Variants in GTSF1 observed in about 807,000 individuals in gnomAD.
The protein encoded by GTSF1 is gametocyte-specific factor 1.
GTSF1 carries 11 observed loss-of-function variants against 28.9 expected under a neutral mutation model. The observed-to-expected ratio is 0.38, with a 90% CI of 0.24 to 0.63. GTSF1 has a LOEUF of 0.63. GTSF1 is among the 30% of genes least tolerant of loss of function. The pLI, the probability that GTSF1 is intolerant of heterozygous loss-of-function variation, is 0.56. For missense variants in GTSF1, 146 were observed against 201.0 expected (o/e 0.73, Z 1.66); for synonymous variants, 69 against 65.6 (o/e 1.05, Z -0.25).
intron 8 of GTSF1, among the ~76,000 whole-genome samples, chr12:54,456,864 C>T (rs1486529110): frequency 6.6e-6 from 1 of 152,122 alleles, no homozygotes; most frequent in Non-Finnish European, 1.5e-5. Context: ...GCGGGTGGAA[C>T]ACCTGAGGTC....
In GTSF1 at chr12:54,461,027, T is replaced by C. The variant is rs73308568; in HGVS notation, c.393-556A>G. Among the ~76,000 whole-genome samples the C allele has an allele frequency of 9.9e-3, 1,503 of 152,330 alleles. 35 individuals carry two copies. Among genetic ancestry groups the C allele is most frequent in the African/African-American group, 0.034 (1,415 of 41,566 alleles). ...TCCTTCATTTCCTAAACCAGAAATA[T>C]TCTCATTTGGGTTTGAAACTTGATC... is the stretch of plus-strand genomic sequence containing the variant. On this transcript the variant is annotated intron_variant, in intron 6 of 8. Coordinates refer to ENST00000305879, the MANE Select transcript of GTSF1 (RefSeq NM_144594.3).
chr12:54,472,495 G>A (rs1030902725), intron 1 of GTSF1: 1 of 152,202 alleles, frequency 6.6e-6, no homozygotes, highest in Non-Finnish European at 1.5e-5. Context: ...CATTAAAAGA[G>A]AAATGGTTTC....
At position 54,471,233 on chromosome 12, in the gene GTSF1, T is replaced by C. The variant is rs754385601; in HGVS notation, c.16A>G (p.Thr6Ala). MEETY[T>A]DSLDPEKLLQ... is the part of the protein sequence containing the mutation. Reference sequence around the variant, plus strand: ...TCTAAAAGCAACAAGGAGTACATACTGTAAGTTTCTTCCATGTTGGAAATG... The same window carrying C: ...TCTAAAAGCAACAAGGAGTACATACCGTAAGTTTCTTCCATGTTGGAAATG... The change falls in exon 2 of 9, where the codon ACC becomes GCC. Residue 6 changes from threonine to alanine, a missense_variant and splice_region_variant. Transcript: ENST00000305879. The C allele has an allele frequency of 5.6e-6, 9 of 1,593,218 alleles. No individual in the cohort carries two copies. The highest frequency in any genetic ancestry group is 5.4e-5 in the African/African-American group (4 of 73,934).
intron 2 of GTSF1, among the ~76,000 whole-genome samples, chr12:54,467,250 A>T (rs754125654): frequency 6.6e-6 from 1 of 151,902 alleles, no homozygotes; most frequent in Non-Finnish European, 1.5e-5. Flanking sequence ...TATTTCACTT[A>T]GCCTAAGGTC....
intron 7 of GTSF1, 60 bp from the exon 8 acceptor site, chr12:54,459,185 C>A: frequency 1.3e-6 from 2 of 1,522,848 alleles, no homozygotes; most frequent in Admixed American, 3.6e-5. Flanking sequence ...ACTCCATCCC[C>A]TATTCTTACT....
intron 2 of GTSF1, among the ~76,000 whole-genome samples, chr12:54,467,369 C>G (rs1022971160): frequency 6.6e-6 from 1 of 150,816 alleles, no homozygotes; most frequent in Admixed American, 6.6e-5. Flanking sequence ...GGCTGGAGTG[C>G]AGTTGCACGA....
At chr12:54,459,548 G>T in intron 7 of GTSF1, 1 of 875,254 alleles carries the variant, frequency 1.1e-6, no homozygotes, top group Non-Finnish European at 1.6e-6. Context: ...ACGGTAATAT[G>T]ATACAAATTT....
intron 7 of GTSF1, 31 bp downstream of exon 7, chr12:54,460,346 A>C (rs370828017): frequency 3.6e-5 from 53 of 1,453,968 alleles, no homozygotes; most frequent in Non-Finnish European, 4.9e-5. Context: ...CAATGAAAAG[A>C]GTAAAACTAT....
At chr12:54,461,959 T>C in intron 6 of GTSF1, 150 bp downstream of exon 6, 1 of 591,944 alleles carries the variant, frequency 1.7e-6, no homozygotes, top group Non-Finnish European at 3.0e-6. Context: ...AAGGAATAAA[T>C]ATGAAAAAAT....
rs11404162 is a variant in GTSF1 at position 54,466,816 on chromosome 12, CTTTTTTTTTT to C, written c.17-1659_17-1650del. On this transcript the variant is annotated intron_variant, in intron 2 of 8. Coordinates refer to ENST00000305879, the MANE Select transcript of GTSF1 (RefSeq NM_144594.3). ...AAAAAAATTTTTTTGATTTAAAAAT[CTTTTTTTTTT>C]TTTTTTTTTGACAGAGTCTTATTCT... The C allele has an allele frequency of 5.0e-5, 6 of 119,870 alleles. No homozygotes were observed. In the South Asian group the frequency reaches 1.6e-3, roughly 32 times the overall value. 7.4% of individuals were successfully genotyped at this position (119,870 alleles called of 1,614,324 possible).
intron 8 of GTSF1, among the ~76,000 whole-genome samples, chr12:54,457,096 A>G (rs1592313072): frequency 1.3e-5 from 2 of 151,596 alleles, no homozygotes; most frequent in South Asian, 4.1e-4. Flanking sequence ...AAAAACAAAA[A>G]ACAAACAAAC....
At chr12:54,460,695 A>C (rs1231049922) in intron 6 of GTSF1, among the ~76,000 whole-genome samples, 3 of 152,170 alleles carry the variant, frequency 2.0e-5, no homozygotes, top group Admixed American at 2.0e-4. Context: ...GGGTCTAACC[A>C]TTTTCATTTT....
At chr12:54,465,369 C>G (rs1592320730) in intron 2 of GTSF1, among the ~76,000 whole-genome samples, 2 of 152,168 alleles carry the variant, frequency 1.3e-5, no homozygotes, top group East Asian at 3.9e-4. Context: ...CCAGAAATCT[C>G]AGGGTGAAGT....
At chr12:54,465,973 A>C (rs942121164) in intron 2 of GTSF1, among the ~76,000 whole-genome samples, 1 of 152,210 alleles carries the variant, frequency 6.6e-6, no homozygotes, top group African/African-American at 2.4e-5. Flanking sequence ...AGAATTCTTT[A>C]ATCTAGTGAC....
Position 54,465,255 on chromosome 12 carries a change from G to C in GTSF1, c.17-88C>G, listed in dbSNP as rs555823698. The C allele has an allele frequency of 3.7e-6, 3 of 814,882 alleles. No individual in the cohort carries two copies. The African/African-American group carries it at 5.1e-5, about 14-fold the overall frequency. 50.5% of individuals were successfully genotyped at this position (814,882 alleles called of 1,614,324 possible). ...CCAGGCACACTGGATTTTTTCAAGA[G>C]ACTCTGTAATAATAGAACAATATAG... On this transcript the variant is annotated intron_variant, in intron 2 of 8. Coordinates refer to ENST00000305879, the MANE Select transcript of GTSF1 (RefSeq NM_144594.3).
Position 54,463,085 on chromosome 12 carries a change from C to T in GTSF1, c.244+86G>A. ...TATTGTTCTTCTAAAACACTGAAAG[C>T]CAAAAATCAAGCTGACAATCTAGCA... On this transcript the variant is annotated intron_variant, in intron 4 of 8. Transcript: ENST00000305879. 9.9e-6 allele frequency: 14 copies of T among 1,418,520 alleles called. No homozygotes were observed. In the South Asian group the frequency reaches 1.7e-4, roughly 17 times the overall value. 87.9% of individuals were successfully genotyped at this position (1,418,520 alleles called of 1,614,324 possible).
At chr12:54,464,853 T>TA in intron 3 of GTSF1, 1 of 374,528 alleles carries the variant, frequency 2.7e-6, no homozygotes, top group Non-Finnish European at 5.0e-6. Context: ...AAAGGGTTCT[T>TA]TGTCACTAGT....
chr12:54,465,584 T>C (rs1005946814), intron 2 of GTSF1, among the ~76,000 whole-genome samples: 3 of 152,142 alleles, frequency 2.0e-5, no homozygotes, highest in African/African-American at 7.2e-5. Flanking sequence ...ATACACTGAT[T>C]TGGGGGCCCA....
At chr12:54,467,461 T>A (rs548867792) in intron 2 of GTSF1, among the ~76,000 whole-genome samples, 1 of 151,702 alleles carries the variant, frequency 6.6e-6, no homozygotes, top group East Asian at 1.9e-4. Flanking sequence ...ATTACAGGCA[T>A]CCACCACCAA....
Sources: gnomAD v4.1 joint callset for allele counts (sites outside exome capture counted in the v4.1 genomes callset) on GRCh38, gnomAD v4.1.1 for gene constraint, MANE v1.5 for transcripts, NCBI Gene and HGNC (gene_info 2026-07-23, HGNC 2026-07-21) for gene names.